Variants in RELN observed in about 807,000 individuals in gnomAD.
The protein encoded by RELN is reelin.
A neutral mutation model predicts 427.6 loss-of-function variants in RELN; 108 were observed. The ratio of observed to expected loss-of-function variants is 0.25; its 90% CI spans 0.22 to 0.30. The LOEUF (loss-of-function observed/expected upper bound fraction) is 0.30. Among genes scored for constraint, RELN ranks in the 10% least tolerant of loss-of-function variants. RELN has a pLI of 1.00. For missense variants in RELN, 3,715 were observed against 4,302.8 expected (o/e 0.86, Z 3.82); for synonymous variants, 1,524 against 1,513.4 (o/e 1.01, Z -0.16).
chr7:103,498,324 A>G (rs1197314494), intron 53 of RELN, 72 bp from the exon 54 acceptor site: 1 of 1,373,014 alleles, frequency 7.3e-7, no homozygotes, highest in African/African-American at 1.4e-5. Context: ...AAGAAAATAC[A>G]GAGTGATGTC....
chr7:103,890,582 T>C (rs1324502340), intron 2 of RELN, among the ~76,000 whole-genome samples: 1 of 152,092 alleles, frequency 6.6e-6, no homozygotes, highest in East Asian at 1.9e-4. Context: ...CCCTACTGTC[T>C]GTGGAAAAAT....
chr7:103,766,412 G>A (rs1233533990), intron 4 of RELN, among the ~76,000 whole-genome samples: 2 of 152,142 alleles, frequency 1.3e-5, no homozygotes, highest in African/African-American at 2.4e-5. Context: ...AAACAAGTCT[G>A]AATTAATAAA....
intron 8 of RELN, among the ~76,000 whole-genome samples, chr7:103,704,532 C>A (rs1262000810): frequency 1.3e-5 from 2 of 152,034 alleles, no homozygotes; most frequent in East Asian, 3.9e-4. Context: ...AGGTTAATTT[C>A]CTCATGTGGT....
At chr7:103,813,951 A>G (rs867600908) in intron 3 of RELN, among the ~76,000 whole-genome samples, 2 of 151,928 alleles carry the variant, frequency 1.3e-5, no homozygotes, top group Non-Finnish European at 2.9e-5. Flanking sequence ...AACCATTTCC[A>G]TATTCATGGA....
chr7:103,517,759 T>C (rs1301786905), intron 49 of RELN, among the ~76,000 whole-genome samples: 1 of 152,216 alleles, frequency 6.6e-6, no homozygotes, highest in Non-Finnish European at 1.5e-5. Context: ...GTTTTGCTTG[T>C]GGCAAAAACT....
chr7:103,516,452 T>A (rs1461104745), intron 49 of RELN, among the ~76,000 whole-genome samples: 1 of 151,888 alleles, frequency 6.6e-6, no homozygotes, highest in Non-Finnish European at 1.5e-5. Context: ...CATGCCTGGA[T>A]AATTTTTGTA....
chr7:103,955,204 C>A (rs775167764), intron 1 of RELN, among the ~76,000 whole-genome samples: 2 of 152,174 alleles, frequency 1.3e-5, no homozygotes, highest in East Asian at 1.9e-4. Flanking sequence ...ATCTATGAGA[C>A]CTTGAGTGAT....
At chr7:103,542,607 G>T in intron 43 of RELN, 124 bp downstream of exon 43, 1 of 937,156 alleles carries the variant, frequency 1.1e-6, no homozygotes, top group Admixed American at 2.0e-5. Flanking sequence ...GATAAAGAGA[G>T]AAGTTCAGTA....
intron 1 of RELN, among the ~76,000 whole-genome samples, chr7:103,972,920 G>GTGTGTGTGT (rs1198513970): frequency 6.6e-6 from 1 of 151,334 alleles, no homozygotes; most frequent in Non-Finnish European, 1.5e-5. Context: ...GTGTGTGTGT[G>GTGTGTGTGT]CTACAAGATT....
chr7:103,738,099 C>T lies in RELN; in HGVS notation c.657-9892G>A, dbSNP rs1790539754. On this transcript the variant is annotated intron_variant, in intron 6 of 64. Transcript: ENST00000428762. ...TTCTATCATTGTGCTGGAGGGGAAA[C>T]ATCTGTTGTCATCTAGTTGCCAGTT... Among the ~76,000 whole-genome samples the T allele has an allele frequency of 2.7e-5, 4 of 149,360 alleles. No homozygotes were observed. In the South Asian group the frequency reaches 8.7e-4, roughly 32 times the overall value.
chr7:103,862,742 A>C (rs184256546), intron 2 of RELN, among the ~76,000 whole-genome samples: 82 of 152,302 alleles, frequency 5.4e-4, no homozygotes, highest in Non-Finnish European at 5.4e-4. Context: ...GCTGAGAAAG[A>C]ACAGAAATCT....
intron 3 of RELN, among the ~76,000 whole-genome samples, chr7:103,820,508 G>C (rs1232714852): frequency 6.6e-6 from 1 of 150,816 alleles, no homozygotes; most frequent in Non-Finnish European, 1.5e-5. Context: ...TATCCTATGT[G>C]AGTATGTGCT....
At chr7:103,584,061 T>A (rs996351927) in intron 28 of RELN, among the ~76,000 whole-genome samples, 1 of 152,188 alleles carries the variant, frequency 6.6e-6, no homozygotes, top group African/African-American at 2.4e-5. Flanking sequence ...GAGTTCCTGC[T>A]GACATTCCCA....
At position 103,503,024 on chromosome 7, in the gene RELN, T is replaced by C. The variant is rs1324655123; in HGVS notation, c.8481A>G (p.Leu2827=). The C allele has an allele frequency of 6.2e-7, 1 of 1,613,850 alleles. No homozygotes were observed. The highest frequency in any genetic ancestry group is 8.5e-7 in the Non-Finnish European group (1 of 1,179,848). Residue 2827 remains leucine (L), a synonymous_variant, in exon 52 of 65, where the codon TTA becomes TTG. Transcript: ENST00000428762. ...KRITYPLPES[L]VGNPVRFRFY... ...TTTAGTTTTCTACTTACTTTCCCAC[T>C]AAGCTTTCAGGAAGTGGGTAGGTGA...
intron 1 of RELN, among the ~76,000 whole-genome samples, chr7:103,927,083 G>A (rs1008843231): frequency 3.9e-5 from 6 of 151,952 alleles, no homozygotes; most frequent in African/African-American, 1.2e-4. Context: ...TATTATATAT[G>A]GCATACAAAT....
At chr7:103,807,009 A>G (rs1398271883) in intron 3 of RELN, among the ~76,000 whole-genome samples, 16 of 152,166 alleles carry the variant, frequency 1.1e-4, no homozygotes, top group East Asian at 5.8e-4. Flanking sequence ...TGAAATGACA[A>G]TTACAGTGGA....
In RELN at chr7:103,833,690, G is replaced by A. The variant is rs769855701; in HGVS notation, c.338-18C>T. 1.3e-4 allele frequency: 210 copies of A among 1,609,922 alleles called. No individual in the cohort carries two copies. Among genetic ancestry groups the A allele is most frequent in the Non-Finnish European group, 1.7e-4 (200 of 1,177,248 alleles). ...CATGATCCCTAAGAGAAAGGAAGGAGAGTTGTTACAAAGACAACAAAACAA... is the reference window on the plus strand; with the variant it reads ...CATGATCCCTAAGAGAAAGGAAGGAAAGTTGTTACAAAGACAACAAAACAA... On this transcript the variant is annotated intron_variant, in intron 2 of 64. Coordinates refer to ENST00000428762, the MANE Select transcript of RELN (RefSeq NM_005045.4).
intron 60 of RELN, among the ~76,000 whole-genome samples, chr7:103,486,966 T>C (rs1056079919): frequency 4.1e-4 from 63 of 152,210 alleles, no homozygotes; most frequent in African/African-American, 1.2e-3. Context: ...CTTATGTTTA[T>C]TGCAGCACTA....
intron 51 of RELN, among the ~76,000 whole-genome samples, chr7:103,506,295 A>C (rs1306297084): frequency 6.6e-6 from 1 of 152,148 alleles, no homozygotes; most frequent in African/African-American, 2.4e-5. Flanking sequence ...AAAAAATGTT[A>C]AGGGCAGCAA....
Sources: gnomAD v4.1 joint callset for allele counts (sites outside exome capture counted in the v4.1 genomes callset) on GRCh38, gnomAD v4.1.1 for gene constraint, MANE v1.5 for transcripts, NCBI Gene and HGNC (gene_info 2026-07-23, HGNC 2026-07-21) for gene names.